BCAS3: variants seen among roughly 807,000 people sequenced by gnomAD.
BCAS3 encodes BCAS3 microtubule associated cell migration factor, also known as BCAS4/BCAS3 fusion.
BCAS3 carries 53 observed loss-of-function variants against 116.1 expected under a neutral mutation model. The ratio of observed to expected loss-of-function variants is 0.46; its 90% CI spans 0.37 to 0.57. The LOEUF (loss-of-function observed/expected upper bound fraction) is 0.57. BCAS3 is among the 20% of genes least tolerant of loss of function. The pLI is 0.00. For missense variants in BCAS3, 917 were observed against 1,165.4 expected, an observed-to-expected ratio of 0.79 and a Z score of 3.10; for synonymous variants, 391 against 408.2, an observed-to-expected ratio of 0.96 and a Z score of 0.51.
chr17:61,102,796 T>G (rs2074407834), intron 22 of BCAS3, among the ~76,000 whole-genome samples: 1 of 152,126 alleles, frequency 6.6e-6, no homozygotes, highest in South Asian at 2.1e-4. Flanking sequence ...ATAAAAATCT[T>G]CTGGCCATAG....
Position 61,158,653 on chromosome 17 carries a change from G to A in BCAS3, c.2425+74089G>A, listed in dbSNP as rs561766987. Among the ~76,000 whole-genome samples the A allele has an allele frequency of 2.2e-4, 34 of 152,176 alleles. 1 individual carries two copies. In the East Asian group the frequency reaches 2.7e-3, roughly 12 times the overall value. On this transcript the variant is annotated intron_variant, in intron 22 of 23. Coordinates refer to ENST00000407086, the MANE Select transcript of BCAS3 (RefSeq NM_017679.5). ...ATAAAATCCCAGTTGCACAAATAGC[G>A]GGTTAACTGATAATGATATTTGCTT...
rs567999885 is a variant in BCAS3 at position 60,910,689 on chromosome 17, T to C, written c.980T>C (p.Val327Ala). ...GIITVIDTETVGEGQVLVSED... is the reference protein window; with the variant it reads ...GIITVIDTETAGEGQVLVSED... ...ATCACAGTTATTGACACCGAAACCG[T>C]TGGAGAGGGCCAGGTAAGAAGAACT... The change falls in exon 12 of 24, where the codon GTT becomes GCT. Residue 327 changes from valine to alanine, a missense_variant. Coordinates refer to ENST00000407086, the MANE Select transcript of BCAS3 (RefSeq NM_017679.5). The C allele has an allele frequency of 3.0e-5, 48 of 1,606,360 alleles. No individual in the cohort carries two copies. The highest frequency in any genetic ancestry group is 1.7e-4 in the Middle Eastern group (1 of 6,032).
chr17:61,286,615 T>C lies in BCAS3; in HGVS notation c.2426-81712T>C, dbSNP rs887075288. 3.9e-5 allele frequency among the ~76,000 whole-genome samples: 6 copies of C among 152,110 alleles called. No individual in the cohort carries two copies. The highest frequency in any genetic ancestry group is 3.9e-4 in the Admixed American group (6 of 15,256). ...AGTGCTAACAGTGTGCCAGGATCTG[T>C]GGGCACGCTGTTAGCAGGGCTAAGT... On this transcript the variant is annotated intron_variant, in intron 22 of 23. Coordinates refer to ENST00000407086, the MANE Select transcript of BCAS3 (RefSeq NM_017679.5). The surrounding 1 kb of genome is among the most constrained non-coding windows in gnomAD (Gnocchi z 4.8).
At chr17:60,818,213 A>G (rs1229244797) in intron 7 of BCAS3, among the ~76,000 whole-genome samples, 2 of 152,168 alleles carry the variant, frequency 1.3e-5, no homozygotes, top group East Asian at 3.8e-4. Flanking sequence ...TTCAAAATTG[A>G]CTGTTTATTA....
chr17:61,079,178 T>A (rs1476233895), intron 21 of BCAS3, among the ~76,000 whole-genome samples: 1 of 152,110 alleles, frequency 6.6e-6, no homozygotes, highest in South Asian at 2.1e-4. Flanking sequence ...CAACAGATAA[T>A]GAAGGACTCA....
intron 4 of BCAS3, among the ~76,000 whole-genome samples, chr17:60,693,284 A>G (rs1251387558): frequency 6.6e-6 from 1 of 152,026 alleles, no homozygotes; most frequent in Non-Finnish European, 1.5e-5. Flanking sequence ...GTGAGAATAT[A>G]GTTTGAATCC....
chr17:60,922,667 G>C (rs2059166791), intron 12 of BCAS3, among the ~76,000 whole-genome samples: 1 of 152,154 alleles, frequency 6.6e-6, no homozygotes, highest in African/African-American at 2.4e-5. Context: ...AAAAACATCT[G>C]AGACATTCAT....
At chr17:60,709,154 A>C in intron 4 of BCAS3, 65 bp from the exon 5 acceptor site, 2 of 776,606 alleles carry the variant, frequency 2.6e-6, no homozygotes, top group Admixed American at 4.3e-5. Context: ...AAAGAAATAC[A>C]GTTGTTTTCT....
chr17:61,336,111 G>A lies in BCAS3; in HGVS notation c.2426-32216G>A, dbSNP rs564571208. The stretch of plus-strand genomic sequence containing the variant: ...TGGTGCTGCTCTGGATCAAGGCCTC[G>A]CTAAACTCCCAGCTCCCTGGTTTGC... On this transcript the variant is annotated intron_variant, in intron 22 of 23. Transcript: ENST00000407086. Among the ~76,000 whole-genome samples, 174 of 152,354 alleles carry A rather than the reference G, an allele frequency of 1.1e-3. 4 individuals carry two copies. Among genetic ancestry groups the A allele is most frequent in the Admixed American group, 0.011 (169 of 15,308 alleles).
intron 7 of BCAS3, among the ~76,000 whole-genome samples, chr17:60,833,151 GC>G (rs2051088426): frequency 6.6e-6 from 1 of 152,140 alleles, no homozygotes; most frequent in African/African-American, 2.4e-5. Flanking sequence ...ACAGGTGCGA[GC>G]CACTGTACCT....
chr17:60,912,346 CAT>C (rs1326589544), intron 12 of BCAS3, among the ~76,000 whole-genome samples: 1 of 152,012 alleles, frequency 6.6e-6, no homozygotes, highest in Non-Finnish European at 1.5e-5. Context: ...TTAAATATTG[CAT>C]ATGTTTTGAG....
At chr17:60,902,800 C>A in intron 11 of BCAS3, 97 bp downstream of exon 11, 1 of 968,616 alleles carries the variant, frequency 1.0e-6, no homozygotes, top group Non-Finnish European at 1.6e-6. Flanking sequence ...GATTGTAGTG[C>A]TTGTACTTAT....
chr17:60,803,796 A>ATTT (rs11384999), intron 6 of BCAS3, among the ~76,000 whole-genome samples: 1,383 of 89,208 alleles, frequency 0.016, 24 homozygotes, highest in East Asian at 0.022. Flanking sequence ...AACTATTACG[A>ATTT]TTTTTTTTTT....
intron 17 of BCAS3, among the ~76,000 whole-genome samples, chr17:61,035,950 G>A (rs7209881): frequency 0.1 from 15,249 of 152,046 alleles, 2,322 homozygotes; most frequent in African/African-American, 0.33. Flanking sequence ...GGAATTTTCC[G>A]TTTAATATTT....
At chr17:60,889,633 A>G in intron 9 of BCAS3, 62 bp from the exon 10 acceptor site, 3 of 1,354,688 alleles carry the variant, frequency 2.2e-6, no homozygotes, top group South Asian at 1.2e-5. Context: ...GCATCGATAT[A>G]TGATGCACCA....
chr17:61,046,085 T>A (rs1354810325), intron 19 of BCAS3, among the ~76,000 whole-genome samples: 4 of 38,566 alleles, frequency 1.0e-4, no homozygotes, highest in African/African-American at 2.0e-4. Context: ...TATATATTTA[T>A]ATATATATAT....
rs1183999682 is a variant in BCAS3 at position 61,013,896 on chromosome 17, A to G, written c.1487-1855A>G. ...ACGATTTTTTAGAAAGGCACTTTTGACTTTTCACTACCTCTCAGGCTACCA... is the reference window on the plus strand; with the variant it reads ...ACGATTTTTTAGAAAGGCACTTTTGGCTTTTCACTACCTCTCAGGCTACCA... On this transcript the variant is annotated intron_variant, in intron 15 of 23. Coordinates refer to ENST00000407086, the MANE Select transcript of BCAS3 (RefSeq NM_017679.5). The surrounding 1 kb of genome is among the most constrained non-coding windows in gnomAD (Gnocchi z 4.4). 2.0e-5 allele frequency among the ~76,000 whole-genome samples: 3 copies of G among 152,064 alleles called. No homozygotes were observed. Among genetic ancestry groups the G allele is most frequent in the African/African-American group, 4.8e-5 (2 of 41,444 alleles).
At chr17:60,868,744 G>A in intron 8 of BCAS3, 61 bp downstream of exon 8, 1 of 997,722 alleles carries the variant, frequency 1.0e-6, no homozygotes, top group Non-Finnish European at 1.5e-6. Flanking sequence ...TGGGCATGGA[G>A]AACTCTACCA....
chr17:61,389,611 TA>T (rs2060027692), intron 23 of BCAS3: 2 of 152,414 alleles, frequency 1.3e-5, no homozygotes, highest in South Asian at 4.1e-4. Flanking sequence ...TTGGTTACCT[TA>T]CCCTGGGATG....
Sources: allele counts gnomAD v4.1 joint callset (sites outside exome capture counted in the v4.1 genomes callset), GRCh38; gene constraint gnomAD v4.1.1; non-coding constraint Gnocchi (gnomAD v3.1); transcripts MANE v1.5; gene names NCBI Gene and HGNC (gene_info 2026-07-23, HGNC 2026-07-21).